Variants in PDLIM5 observed in about 807,000 individuals in gnomAD.
The protein encoded by PDLIM5 is PDZ and LIM domain protein 5.
A neutral mutation model predicts 64.2 loss-of-function variants in PDLIM5; 34 were observed. That is an observed-to-expected ratio of 0.53 (90% CI 0.40 to 0.71). The LOEUF (loss-of-function observed/expected upper bound fraction) is 0.71, where lower values mean the gene tolerates loss of function less well. Ranked by LOEUF, PDLIM5 falls within the 30% of genes least tolerant of loss-of-function variation. The pLI is 0.00. For missense variants in PDLIM5, 683 were observed against 733.6 expected, an observed-to-expected ratio of 0.93 and a Z score of 0.80; for synonymous variants, 253 against 269.1, an observed-to-expected ratio of 0.94 and a Z score of 0.59.
At position 94,529,135 on chromosome 4, in the gene PDLIM5, C is replaced by T. The variant is rs370918331; in HGVS notation, c.248+5260C>T. On this transcript the variant is annotated intron_variant, in intron 3 of 12. Coordinates refer to ENST00000317968, the MANE Select transcript of PDLIM5 (RefSeq NM_006457.5). ...TTTTCCAGGGCCTATGAAAACATTG[C>T]GAGAAAGCTCCGGAAAGTTATAGCT... 1.8e-4 allele frequency among the ~76,000 whole-genome samples: 27 copies of T among 152,228 alleles called. 1 individual carries two copies. In the South Asian group the frequency reaches 4.2e-3, roughly 23 times the overall value.
intron 8 of PDLIM5, among the ~76,000 whole-genome samples, chr4:94,619,129 G>A (rs1739016341): frequency 6.6e-6 from 1 of 152,132 alleles, no homozygotes; most frequent in African/African-American, 2.4e-5. Flanking sequence ...ACCAAAGCTA[G>A]AATGTAGACT....
At chr4:94,469,678 A>T (rs1466966878) in intron 2 of PDLIM5, among the ~76,000 whole-genome samples, 1 of 152,134 alleles carries the variant, frequency 6.6e-6, no homozygotes, top group Non-Finnish European at 1.5e-5. Context: ...TCTGGATTAG[A>T]GCTGAGCTAG....
intron 2 of PDLIM5, among the ~76,000 whole-genome samples, chr4:94,511,313 A>AT (rs934546245): frequency 4.6e-5 from 7 of 151,342 alleles, no homozygotes; most frequent in African/African-American, 7.3e-5. Context: ...CCTTTTTATT[A>AT]TTTTTTTTTA....
intron 9 of PDLIM5, 82 bp from the exon 10 acceptor site, chr4:94,654,378 C>A: frequency 2.4e-6 from 2 of 843,656 alleles, no homozygotes; most frequent in Non-Finnish European, 4.0e-6. Flanking sequence ...ATTGGTTGGA[C>A]ATTGCATAAA....
At chr4:94,554,120 G>C (rs1209830636) in intron 3 of PDLIM5, among the ~76,000 whole-genome samples, 1 of 152,124 alleles carries the variant, frequency 6.6e-6, no homozygotes, top group Non-Finnish European at 1.5e-5. Flanking sequence ...TTTAAAACTA[G>C]TAAATTGGTT....
intron 2 of PDLIM5, among the ~76,000 whole-genome samples, chr4:94,511,587 A>T (rs571567789): frequency 9.6e-6 from 1 of 104,348 alleles, no homozygotes; most frequent in East Asian, 3.3e-4. Flanking sequence ...TACTCATCAG[A>T]CATCCCCCCC....
At chr4:94,550,049 A>G (rs1426067199) in intron 3 of PDLIM5, 3 of 152,182 alleles carry the variant, frequency 2.0e-5, no homozygotes, top group African/African-American at 7.2e-5. Flanking sequence ...GTGGTATAGT[A>G]TCCAGCATAC....
chr4:94,614,680 T>C (rs554624739), intron 7 of PDLIM5, among the ~76,000 whole-genome samples: 1 of 152,324 alleles, frequency 6.6e-6, no homozygotes, highest in East Asian at 1.9e-4. Context: ...CTTTATAGTC[T>C]ACTCCAAGCC....
chr4:94,621,976 A>G (rs1739272527), intron 8 of PDLIM5, among the ~76,000 whole-genome samples: 1 of 152,192 alleles, frequency 6.6e-6, no homozygotes, highest in African/African-American at 2.4e-5. Context: ...ATATTTACTG[A>G]GTTCTTATTT....
At chr4:94,582,800 A>G in intron 5 of PDLIM5, 1 of 956,724 alleles carries the variant, frequency 1.0e-6, no homozygotes. Flanking sequence ...TCAATTTAAT[A>G]CTACCAGCAA....
chr4:94,519,047 T>G (rs897403077), intron 2 of PDLIM5, among the ~76,000 whole-genome samples: 2 of 152,194 alleles, frequency 1.3e-5, no homozygotes, highest in Non-Finnish European at 2.9e-5. Flanking sequence ...GAATCGATTT[T>G]GGGAAACTCA....
chr4:94,492,842 A>C (rs537735724), intron 2 of PDLIM5, among the ~76,000 whole-genome samples: 1 of 152,286 alleles, frequency 6.6e-6, no homozygotes, highest in East Asian at 1.9e-4. Context: ...ATTTGTGCAC[A>C]AATTTTTGTG....
intron 7 of PDLIM5, chr4:94,608,042 TA>T: frequency 6.6e-7 from 1 of 1,513,366 alleles, no homozygotes; most frequent in Non-Finnish European, 8.9e-7. Context: ...TTATATATTT[TA>T]CTTCTGAAAA....
At chr4:94,509,077 A>C (rs1728642577) in intron 2 of PDLIM5, among the ~76,000 whole-genome samples, 1 of 152,122 alleles carries the variant, frequency 6.6e-6, no homozygotes, top group Non-Finnish European at 1.5e-5. Flanking sequence ...ATGCCTCCAA[A>C]GTGTATTAGT....
chr4:94,563,211 G>C (rs990165511), intron 3 of PDLIM5, among the ~76,000 whole-genome samples: 1 of 152,080 alleles, frequency 6.6e-6, no homozygotes, highest in East Asian at 1.9e-4. Context: ...CACTTTGAAT[G>C]CCTTGACTTA....
intron 3 of PDLIM5, among the ~76,000 whole-genome samples, chr4:94,542,871 T>C (rs1278173884): frequency 6.6e-6 from 1 of 152,170 alleles, no homozygotes. Flanking sequence ...AAACAAAGTT[T>C]AATGGTTATA....
In PDLIM5 at chr4:94,470,717, A is replaced by C. The variant is rs192470758; in HGVS notation, c.96+15333A>C. 2.2e-3 allele frequency among the ~76,000 whole-genome samples: 340 copies of C among 152,342 alleles called. 2 individuals carry two copies. The highest frequency in any genetic ancestry group is 7.8e-3 in the African/African-American group (325 of 41,582). On this transcript the variant is annotated intron_variant, in intron 2 of 12. Transcript: ENST00000317968. ...CAGCCTTCAACATTGTAATTGACAA[A>C]AATGTCATCAGTATCATATAGCTCT...
At chr4:94,541,214 A>C (rs567355320) in intron 3 of PDLIM5, among the ~76,000 whole-genome samples, 1 of 152,108 alleles carries the variant, frequency 6.6e-6, no homozygotes, top group Admixed American at 6.5e-5. Context: ...CAATTTTCCA[A>C]TGTCTTGGCC....
rs1016436628 is a variant in PDLIM5, at chr4:94,455,541, G to A, written c.96+157G>A. On this transcript the variant is annotated intron_variant, in intron 2 of 12. Transcript: ENST00000317968. ...GATTATCTATAATAAAGGATGAGGG[G>A]AGTAGATTTAGCAAGGATAACTGAC... The A allele has an allele frequency of 2.3e-5, 15 of 655,888 alleles. No homozygotes were observed. The African/African-American group carries it at 2.5e-4, about 11-fold the overall frequency. 40.6% of individuals were successfully genotyped at this position (655,888 alleles called of 1,614,324 possible). A position where few individuals can be genotyped will look rare whatever the true frequency, so the allele number is the denominator to read the frequency against.
Sources: gnomAD v4.1 joint callset for allele counts (sites outside exome capture counted in the v4.1 genomes callset) on GRCh38, gnomAD v4.1.1 for gene constraint, MANE v1.5 for transcripts, NCBI Gene and HGNC (gene_info 2026-07-23, HGNC 2026-07-21) for gene names.